The following ST18 variants were observed in gnomAD, a reference collection of about 807,000 sequenced individuals.
The protein encoded by ST18 is suppression of tumorigenicity 18 protein.
A neutral mutation model predicts 110.0 loss-of-function variants in ST18; 50 were observed. The observed-to-expected ratio is 0.45, with a 90% CI of 0.36 to 0.58. The LOEUF is 0.58. ST18 is among the 20% of genes least tolerant of loss of function. The probability of loss-of-function intolerance (pLI) is 0.00; values close to 1 mark genes in which losing one functional copy is unlikely to be tolerated. For synonymous variants in ST18, 461 were observed against 452.4 expected (o/e 1.02, Z -0.24); for missense variants, 1,306 against 1,280.1 (o/e 1.02, Z -0.31).
intron 2 of ST18, among the ~76,000 whole-genome samples, chr8:52,350,063 AG>A (rs1355726977): frequency 6.6e-6 from 1 of 152,182 alleles, no homozygotes; most frequent in African/African-American, 2.4e-5. Flanking sequence ...CCCGGCCTGA[AG>A]TCTGAGGAGG....
At chr8:52,137,349 A>G (rs1278127732) in intron 18 of ST18, 72 bp downstream of exon 18, 1 of 1,514,400 alleles carries the variant, frequency 6.6e-7, no homozygotes, top group Admixed American at 1.8e-5. Flanking sequence ...ACATGGATAG[A>G]AAGGGTGAGA....
At chr8:52,179,850 T>A (rs773446776) in intron 9 of ST18, among the ~76,000 whole-genome samples, 41 of 152,300 alleles carry the variant, frequency 2.7e-4, no homozygotes, top group Middle Eastern at 3.4e-3. Flanking sequence ...ATCTTGTATT[T>A]TCTTCAAAAA....
intron 8 of ST18, among the ~76,000 whole-genome samples, chr8:52,184,531 C>T (rs1220076918): frequency 6.6e-6 from 1 of 152,036 alleles, no homozygotes; most frequent in Non-Finnish European, 1.5e-5. Context: ...TTTGAAAAAT[C>T]ATTGAAGCAA....
At chr8:52,258,600 C>T (rs1324655869) in intron 2 of ST18, among the ~76,000 whole-genome samples, 1 of 152,082 alleles carries the variant, frequency 6.6e-6, no homozygotes, top group Non-Finnish European at 1.5e-5. Flanking sequence ...GTTCTTAGCT[C>T]TACATAGCAT....
At chr8:52,175,236 G>T (rs181571441) in intron 9 of ST18, among the ~76,000 whole-genome samples, 2 of 152,240 alleles carry the variant, frequency 1.3e-5, no homozygotes, top group African/African-American at 4.8e-5. Flanking sequence ...TCTTGCCCCT[G>T]CCCCAGCTAC....
chr8:52,205,186 A>G (rs1047668003), intron 8 of ST18, among the ~76,000 whole-genome samples: 1 of 149,780 alleles, frequency 6.7e-6, no homozygotes, highest in Non-Finnish European at 1.5e-5. Context: ...TAATTTATAT[A>G]ATAATATATA....
At chr8:52,155,778 C>A (rs2059869787) in intron 15 of ST18, among the ~76,000 whole-genome samples, 1 of 152,264 alleles carries the variant, frequency 6.6e-6, no homozygotes, top group Admixed American at 6.5e-5. Context: ...TACAAAGCAC[C>A]AATTCAGATT....
At chr8:52,280,042 G>C (rs1238056829) in intron 2 of ST18, among the ~76,000 whole-genome samples, 1 of 152,110 alleles carries the variant, frequency 6.6e-6, no homozygotes, top group Admixed American at 6.6e-5. Flanking sequence ...GGAGACAGGA[G>C]GGTGGGTTTG....
chr8:52,230,522 T>A (rs1002741541), intron 2 of ST18, among the ~76,000 whole-genome samples: 1 of 152,180 alleles, frequency 6.6e-6, no homozygotes, highest in East Asian at 1.9e-4. Flanking sequence ...TACCTTTCAC[T>A]GCTCTCTACT....
chr8:52,179,427 T>G (rs2068432952), intron 9 of ST18, among the ~76,000 whole-genome samples: 1 of 152,244 alleles, frequency 6.6e-6, no homozygotes, highest in Non-Finnish European at 1.5e-5. Flanking sequence ...CTTAAATAAC[T>G]TATTTTTGAA....
intron 19 of ST18, among the ~76,000 whole-genome samples, chr8:52,135,107 T>C (rs2051457494): frequency 6.6e-6 from 1 of 152,208 alleles, no homozygotes; most frequent in East Asian, 1.9e-4. Flanking sequence ...TGTGGCAATG[T>C]AGAAGTTTAG....
chr8:52,184,232 T>C (rs2071065240), intron 8 of ST18, among the ~76,000 whole-genome samples: 1 of 152,182 alleles, frequency 6.6e-6, no homozygotes, highest in Admixed American at 6.5e-5. Flanking sequence ...ATTTTTCTAG[T>C]AGATGAAAAA....
chr8:52,151,785 TA>T (rs537756131), intron 15 of ST18, among the ~76,000 whole-genome samples: 5 of 151,140 alleles, frequency 3.3e-5, no homozygotes, highest in Non-Finnish European at 7.4e-5. Flanking sequence ...CATAAAAAAA[TA>T]AAAAAAAACT....
Position 52,171,837 on chromosome 8 carries a change from T to C in ST18, c.1024A>G (p.Thr342Ala). ...CTTCCACCCATGTCGATAACTTTGG[T>C]TTGCCTCCTTTCCCCTGCTAGGTGC... is the stretch of plus-strand genomic sequence containing the variant. The part of the protein sequence containing the change: ...LEHLAGERRQ[T>A]KVIDMGGRQI... The change falls in exon 10 of 26, where the codon ACC (threonine) becomes GCC (alanine). Residue 342 changes from threonine (T) to alanine (A), a missense_variant. Transcript: ENST00000689386. The C allele has an allele frequency of 6.2e-7, 1 of 1,614,156 alleles. No homozygotes were observed. Among genetic ancestry groups the C allele is most frequent in the Non-Finnish European group, 8.5e-7 (1 of 1,179,986 alleles).
intron 8 of ST18, among the ~76,000 whole-genome samples, chr8:52,209,391 C>A (rs535595570): frequency 6.6e-6 from 1 of 152,282 alleles, no homozygotes; most frequent in East Asian, 1.9e-4. Flanking sequence ...ATCATAGTTT[C>A]TGCCTAATAA....
intron 15 of ST18, among the ~76,000 whole-genome samples, chr8:52,156,971 C>T (rs1029008391): frequency 6.6e-5 from 10 of 152,136 alleles, no homozygotes; most frequent in Non-Finnish European, 1.0e-4. Flanking sequence ...TTGGCTTCTG[C>T]GGTTAAGACT....
At chr8:52,258,435 C>A (rs992697967) in intron 2 of ST18, among the ~76,000 whole-genome samples, 1 of 152,134 alleles carries the variant, frequency 6.6e-6, no homozygotes, top group African/African-American at 2.4e-5. Context: ...TTTATTTTGA[C>A]TCTTAAAAAT....
intron 8 of ST18, among the ~76,000 whole-genome samples, chr8:52,192,136 C>G (rs146298654): frequency 6.6e-6 from 1 of 152,156 alleles, no homozygotes; most frequent in Non-Finnish European, 1.5e-5. Flanking sequence ...AGCATAGGCT[C>G]TCACTAAGAC....
chr8:52,264,296 A>G lies in ST18; in HGVS notation c.-464-34219T>C, dbSNP rs150153940. Among the ~76,000 whole-genome samples the G allele has an allele frequency of 8.5e-5, 13 of 152,330 alleles. 1 individual carries two copies. Among genetic ancestry groups the G allele is most frequent in the African/African-American group, 2.6e-4 (11 of 41,572 alleles). ...GAAATTATAGAGATGCCTTCTTCTT[A>G]TCAATGAATCTAGTGTGAAAATCAC... On this transcript the variant is annotated intron_variant, in intron 2 of 25. Transcript: ENST00000689386.
Sources: gnomAD v4.1 joint callset for allele counts (sites outside exome capture counted in the v4.1 genomes callset) on GRCh38, gnomAD v4.1.1 for gene constraint, MANE v1.5 for transcripts, NCBI Gene and HGNC (gene_info 2026-07-23, HGNC 2026-07-21) for gene names.